FGFRL1: variants seen among roughly 807,000 people sequenced by gnomAD.
The protein encoded by FGFRL1 is fibroblast growth factor receptor-like 1.
FGFRL1 carries 24 observed loss-of-function variants against 36.8 expected under a neutral mutation model. The observed-to-expected ratio is 0.65, with a 90% CI of 0.47 to 0.92. FGFRL1 has a LOEUF of 0.92. Among genes scored for constraint, FGFRL1 ranks in the 40% least tolerant of loss-of-function variants. FGFRL1 has a pLI of 0.00. For synonymous variants in FGFRL1, 422 were observed against 344.1 expected (o/e 1.23, Z -2.50); for missense variants, 785 against 753.4 (o/e 1.04, Z -0.49).
intron 3 of FGFRL1, among the ~76,000 whole-genome samples, 186 bp downstream of exon 3, chr4:1,022,661 C>T (rs1002958221): frequency 3.3e-5 from 5 of 152,188 alleles, no homozygotes; most frequent in Non-Finnish European, 5.9e-5. Flanking sequence ...TATCCTGTCC[C>T]GTTCCTGTCC....
intron 2 of FGFRL1, among the ~76,000 whole-genome samples, chr4:1,014,914 T>C (rs940176672): frequency 6.6e-6 from 1 of 152,208 alleles, no homozygotes; most frequent in Non-Finnish European, 1.5e-5. Flanking sequence ...TGGCTGGGCC[T>C]GGAAACGCCG....
At chr4:1,013,132 G>A (rs147174451) in intron 2 of FGFRL1, among the ~76,000 whole-genome samples, 47 of 152,372 alleles carry the variant, frequency 3.1e-4, no homozygotes, top group Admixed American at 1.5e-3. Context: ...CCCCAGAGCC[G>A]TGACGCACCC....
intron 2 of FGFRL1, among the ~76,000 whole-genome samples, chr4:1,019,352 A>G (rs373955675): frequency 2.0e-5 from 3 of 152,198 alleles, no homozygotes; most frequent in African/African-American, 7.2e-5. Flanking sequence ...ACCCATGAAC[A>G]TGCACGTGTG....
Position 1,025,395 on chromosome 4 carries a change from G to A in FGFRL1, c.*48G>A. On this transcript the variant is annotated 3_prime_UTR_variant, in exon 7 of 7. Transcript: ENST00000510644. The stretch of plus-strand genomic sequence containing the variant: ...CACGGGGGGGCCGGCCAGACAGGCA[G>A]ACTGGGAGGATGGAGGACGGAGCTG... The A allele has an allele frequency of 6.6e-7, 1 of 1,505,502 alleles. No homozygotes were observed. 93.3% of individuals were successfully genotyped at this position (1,505,502 alleles called of 1,614,324 possible).
Position 1,023,390 on chromosome 4 carries a change from G to A in FGFRL1, c.353-251G>A, listed in dbSNP as rs371712347. On this transcript the variant is annotated intron_variant, in intron 3 of 6. Coordinates refer to ENST00000510644, the MANE Select transcript of FGFRL1 (RefSeq NM_001004356.3). The surrounding 1 kb of genome is among the most constrained non-coding windows in gnomAD (Gnocchi z 6.0). ...CTCCCCCGGGGCCTGCAGACCCCCC[G>A]GAGCCAGAATGGGGGCCGGCCCTCC... Among the ~76,000 whole-genome samples, 1 of 152,134 alleles carries A rather than the reference G, an allele frequency of 6.6e-6. No homozygotes were observed. The highest frequency in any genetic ancestry group is 1.5e-5 in the Non-Finnish European group (1 of 67,986).
intron 2 of FGFRL1, among the ~76,000 whole-genome samples, chr4:1,018,358 T>TG (rs139957786): frequency 3.6e-4 from 26 of 72,960 alleles, no homozygotes; most frequent in Middle Eastern, 8.5e-3. Context: ...TGGGCAGGGG[T>TG]GGGGGGGGCG....
intron 2 of FGFRL1, 89 bp from the exon 3 acceptor site, chr4:1,022,112 CTG>C (rs1716214024): frequency 3.9e-6 from 4 of 1,016,688 alleles, no homozygotes; most frequent in Admixed American, 6.2e-5. Context: ...GGCCCGAGGT[CTG>C]TGCTGGGCCG....
At chr4:1,017,562 C>T (rs543158820) in intron 2 of FGFRL1, among the ~76,000 whole-genome samples, 13 of 152,202 alleles carry the variant, frequency 8.5e-5, no homozygotes, top group Admixed American at 2.0e-4. Context: ...GGTGCTGCCT[C>T]GGGCTCTGTA....
intron 6 of FGFRL1, 73 bp from the exon 7 acceptor site, chr4:1,024,832 A>C (rs890591276): frequency 7.5e-5 from 110 of 1,462,708 alleles, no homozygotes; most frequent in Admixed American, 2.1e-4. Flanking sequence ...AGCCCCTGGG[A>C]TGGGTCTGGG....
chr4:1,022,279 A>T lies in FGFRL1; in HGVS notation c.156A>T (p.Pro52=). 1 of 1,590,298 alleles carries T rather than the reference A, an allele frequency of 6.3e-7. No individual in the cohort carries two copies. Among genetic ancestry groups the T allele is most frequent in the Non-Finnish European group, 8.5e-7 (1 of 1,170,020 alleles). Residue 52 remains proline (P), a synonymous_variant, in exon 3 of 7, where the codon CCA becomes CCT. Transcript: ENST00000510644. ...GCCGCACTGTGCGGCTGCAGTGCCCAGTGGAGGGGGACCCGCCGCCGCTGA... is the reference window on the plus strand; with the variant it reads ...GCCGCACTGTGCGGCTGCAGTGCCCTGTGGAGGGGGACCCGCCGCCGCTGA... ...RLGRTVRLQC[P]VEGDPPPLTM...
At chr4:1,012,848 A>G (rs953603935) in intron 2 of FGFRL1, among the ~76,000 whole-genome samples, 1 of 152,138 alleles carries the variant, frequency 6.6e-6, no homozygotes, top group Non-Finnish European at 1.5e-5. Flanking sequence ...TCTTGCAAAC[A>G]CTTTCATACT....
chr4:1,014,420 C>T (rs1715776151), intron 2 of FGFRL1, among the ~76,000 whole-genome samples: 1 of 152,204 alleles, frequency 6.6e-6, no homozygotes, highest in South Asian at 2.1e-4. Flanking sequence ...CTGAGAAGTG[C>T]CACCTTTGAA....
chr4:1,013,186 G>A (rs1043036092), intron 2 of FGFRL1, among the ~76,000 whole-genome samples: 4 of 152,344 alleles, frequency 2.6e-5, no homozygotes, highest in African/African-American at 7.2e-5. Flanking sequence ...GGCCTGGTAC[G>A]TGCTCATGGC....
intron 2 of FGFRL1, among the ~76,000 whole-genome samples, chr4:1,016,244 C>T (rs1301146851): frequency 6.6e-6 from 1 of 151,926 alleles, no homozygotes; most frequent in Non-Finnish European, 1.5e-5. Flanking sequence ...CTTGTTGATG[C>T]TTCTGAAGTG....
intron 2 of FGFRL1, among the ~76,000 whole-genome samples, chr4:1,021,801 C>T (rs921767140): frequency 6.6e-6 from 1 of 152,210 alleles, no homozygotes; most frequent in Non-Finnish European, 1.5e-5. Context: ...TCCCCTCTGA[C>T]CTCGGGTGTA....
intron 2 of FGFRL1, among the ~76,000 whole-genome samples, chr4:1,013,150 G>T (rs1254440411): frequency 6.6e-6 from 1 of 152,230 alleles, no homozygotes; most frequent in Non-Finnish European, 1.5e-5. Flanking sequence ...CCCCAGGACT[G>T]CGTGCCTCTG....
intron 2 of FGFRL1, among the ~76,000 whole-genome samples, chr4:1,021,209 G>T (rs929260518): frequency 6.6e-6 from 1 of 151,034 alleles, no homozygotes; most frequent in Non-Finnish European, 1.5e-5. Flanking sequence ...GGGTGGGGCG[G>T]GGACCCAGGC....
upstream of FGFRL1, among the ~76,000 whole-genome samples, chr4:1,011,611 G>C (rs1334421945): frequency 1.4e-5 from 2 of 145,242 alleles, no homozygotes; most frequent in Non-Finnish European, 3.1e-5. Flanking sequence ...GTCCGGGCTC[G>C]GCGCTCGCTC....
At chr4:1,016,557 G>A (rs569970546) in intron 2 of FGFRL1, among the ~76,000 whole-genome samples, 9 of 152,120 alleles carry the variant, frequency 5.9e-5, no homozygotes, top group Non-Finnish European at 1.0e-4. Context: ...AGGTTCCCCC[G>A]AATGCTTCCA....
Sources: allele counts gnomAD v4.1 joint callset (sites outside exome capture counted in the v4.1 genomes callset), GRCh38; gene constraint gnomAD v4.1.1; non-coding constraint Gnocchi (gnomAD v3.1); transcripts MANE v1.5; gene names NCBI Gene and HGNC (gene_info 2026-07-23, HGNC 2026-07-21).